The following CLYBL variants were observed in gnomAD, a reference collection of about 807,000 sequenced individuals.
CLYBL encodes the protein citramalyl-CoA lyase, also known as citramalyl-CoA lyase, mitochondrial.
A neutral mutation model predicts 38.9 loss-of-function variants in CLYBL; 31 were observed. The ratio of observed to expected loss-of-function variants is 0.80; its 90% CI spans 0.60 to 1.08. The LOEUF is 1.08. CLYBL is among the 50% of genes least tolerant of loss of function. The pLI, the probability that CLYBL is intolerant of heterozygous loss-of-function variation, is 0.00. For missense variants in CLYBL, 434 were observed against 411.6 expected, an observed-to-expected ratio of 1.05 and a Z score of -0.47; for synonymous variants, 171 against 158.6, an observed-to-expected ratio of 1.08 and a Z score of -0.59.
At chr13:99,629,518 G>A (rs9557267) in intron 1 of CLYBL, among the ~76,000 whole-genome samples, 38,764 of 152,002 alleles carry the variant, frequency 0.26, 6,101 homozygotes, top group East Asian at 0.57. Flanking sequence ...TGGGTCATAT[G>A]GTATCGAGAG....
At chr13:99,617,984 G>A (rs952957135) in intron 1 of CLYBL, among the ~76,000 whole-genome samples, 13 of 152,092 alleles carry the variant, frequency 8.5e-5, no homozygotes, top group Non-Finnish European at 1.5e-5. Context: ...CCTTACTGCT[G>A]TTTTCATTTT....
intron 7 of CLYBL, 116 bp downstream of exon 7, chr13:99,871,178 G>C (rs1594236040): frequency 1.1e-5 from 13 of 1,173,560 alleles, no homozygotes; most frequent in Non-Finnish European, 1.2e-5. Context: ...GGAGAGGGGG[G>C]AAAGGGAGGG....
chr13:99,880,212 C>T (rs1036118319), intron 7 of CLYBL, among the ~76,000 whole-genome samples: 4 of 151,496 alleles, frequency 2.6e-5, no homozygotes, highest in African/African-American at 4.8e-5. Flanking sequence ...GGATTACAGG[C>T]GCATGCCACT....
At chr13:99,709,856 GGA>G (rs2048200360) in intron 1 of CLYBL, among the ~76,000 whole-genome samples, 1 of 151,968 alleles carries the variant, frequency 6.6e-6, no homozygotes, top group South Asian at 2.1e-4. Context: ...AGCCTGTTGG[GGA>G]GAGAGCTTCG....
At chr13:99,776,101 T>A (rs1257615602) in intron 2 of CLYBL, among the ~76,000 whole-genome samples, 10 of 151,090 alleles carry the variant, frequency 6.6e-5, no homozygotes, top group Admixed American at 4.0e-4. Context: ...GAGGCAGAGC[T>A]TGCAGTGAGC....
rs183895931 is a variant in CLYBL, at chr13:99,776,330, A to G, written c.249+3320A>G. 3.0e-3 allele frequency among the ~76,000 whole-genome samples: 450 copies of G among 150,806 alleles called. 1 individual carries two copies. Among genetic ancestry groups the G allele is most frequent in the African/African-American group, 9.9e-3 (407 of 41,088 alleles). On this transcript the variant is annotated intron_variant, in intron 2 of 8. Transcript: ENST00000339105. Reference sequence around the variant, plus strand: ...GGCAACATGGCAAAACCTCATCTCTACTAAAAATACAAAAAATCAGCCAGG... The same window carrying G: ...GGCAACATGGCAAAACCTCATCTCTGCTAAAAATACAAAAAATCAGCCAGG...
At chr13:99,651,605 G>A (rs2047254183) in intron 1 of CLYBL, among the ~76,000 whole-genome samples, 1 of 151,224 alleles carries the variant, frequency 6.6e-6, no homozygotes, top group African/African-American at 2.4e-5. Flanking sequence ...TGAGTGAAAT[G>A]GAATTCTGGG....
intron 1 of CLYBL, among the ~76,000 whole-genome samples, chr13:99,733,434 A>G (rs2048622002): frequency 6.6e-6 from 1 of 152,206 alleles, no homozygotes; most frequent in Non-Finnish European, 1.5e-5. Context: ...TGTCAAAATT[A>G]TTGCCTGAAC....
intron 7 of CLYBL, among the ~76,000 whole-genome samples, chr13:99,874,917 G>A (rs779172801): frequency 2.0e-5 from 3 of 152,262 alleles, no homozygotes; most frequent in Non-Finnish European, 4.4e-5. Flanking sequence ...AATATATTAC[G>A]TGTGTCAAAA....
chr13:99,794,062 G>A (rs2049973110), intron 2 of CLYBL, among the ~76,000 whole-genome samples: 1 of 152,144 alleles, frequency 6.6e-6, no homozygotes, highest in Admixed American at 6.5e-5. Context: ...CGTTGGACCA[G>A]GACCACAGGT....
chr13:99,798,120 C>T (rs1179879638), intron 2 of CLYBL, among the ~76,000 whole-genome samples: 1 of 152,154 alleles, frequency 6.6e-6, no homozygotes, highest in African/African-American at 2.4e-5. Context: ...TCCCATCTGG[C>T]TTACCATAAG....
chr13:99,682,634 A>G (rs2047753350), intron 1 of CLYBL, among the ~76,000 whole-genome samples: 1 of 152,206 alleles, frequency 6.6e-6, no homozygotes, highest in Non-Finnish European at 1.5e-5. Flanking sequence ...CATTACTGTC[A>G]CTACTGTAGA....
At chr13:99,882,481 C>G (rs765251933) in intron 7 of CLYBL, among the ~76,000 whole-genome samples, 1 of 151,930 alleles carries the variant, frequency 6.6e-6, no homozygotes, top group Non-Finnish European at 1.5e-5. Context: ...AGGGCAAAAC[C>G]CCATCTCTAC....
At chr13:99,638,065 G>A (rs771407715) in intron 1 of CLYBL, among the ~76,000 whole-genome samples, 11 of 145,578 alleles carry the variant, frequency 7.6e-5, no homozygotes, top group Non-Finnish European at 1.3e-4. Flanking sequence ...CCAGACTCCA[G>A]TGAGTCTCCT....
chr13:99,671,563 T>G (rs2047564855), intron 1 of CLYBL, among the ~76,000 whole-genome samples: 1 of 152,032 alleles, frequency 6.6e-6, no homozygotes, highest in Non-Finnish European at 1.5e-5. Flanking sequence ...GCAGATCACT[T>G]GAGGTCAGGA....
At chr13:99,706,867 G>C (rs1387198355) in intron 1 of CLYBL, among the ~76,000 whole-genome samples, 1 of 152,096 alleles carries the variant, frequency 6.6e-6, no homozygotes, top group African/African-American at 2.4e-5. Context: ...GAATGTAGTG[G>C]TTGCAGCTCA....
chr13:99,630,928 C>A (rs2046934537), intron 1 of CLYBL, among the ~76,000 whole-genome samples: 1 of 152,198 alleles, frequency 6.6e-6, no homozygotes, highest in African/African-American at 2.4e-5. Context: ...AGGAGCCAGA[C>A]CCCTGTTTCT....
chr13:99,905,599 G>A (rs2052688245), intron 9 of CLYBL, among the ~76,000 whole-genome samples: 1 of 151,806 alleles, frequency 6.6e-6, no homozygotes, highest in Non-Finnish European at 1.5e-5. Flanking sequence ...TTGCAAGTCA[G>A]CCAAGAACCG....
rs555228259 is a variant in CLYBL, at chr13:99,884,358, C to T, written c.928-6960C>T. Among the ~76,000 whole-genome samples, 14 of 152,284 alleles carry T rather than the reference C, an allele frequency of 9.2e-5. No individual in the cohort carries two copies. The South Asian group carries it at 2.5e-3, about 27-fold the overall frequency. ...TCACTGTCCCCTCGATCACCCAGCTCACGCCCCAGAGAGAGCCATCATGTG... is the reference window on the plus strand; with the variant it reads ...TCACTGTCCCCTCGATCACCCAGCTTACGCCCCAGAGAGAGCCATCATGTG... On this transcript the variant is annotated intron_variant, in intron 7 of 8. Transcript: ENST00000339105.
Sources: gnomAD v4.1 joint callset for allele counts (sites outside exome capture counted in the v4.1 genomes callset) on GRCh38, gnomAD v4.1.1 for gene constraint, MANE v1.5 for transcripts, NCBI Gene and HGNC (gene_info 2026-07-23, HGNC 2026-07-21) for gene names.